Variants in RNF32 observed in about 807,000 individuals in gnomAD.
RNF32 encodes the protein ring finger protein 32.
RNF32 carries 36 observed loss-of-function variants against 41.0 expected under a neutral mutation model. The ratio of observed to expected loss-of-function variants is 0.88; its 90% confidence interval spans 0.67 to 1.16. RNF32 has a LOEUF of 1.16. Among genes scored for constraint, RNF32 ranks in the 50% most tolerant of loss-of-function variants. RNF32 has a pLI of 0.00. For synonymous variants in RNF32, 154 were observed against 160.9 expected, an observed-to-expected ratio of 0.96 and a Z score of 0.32; for missense variants, 413 against 436.7, an observed-to-expected ratio of 0.95 and a Z score of 0.48.
intron 7 of RNF32, among the ~76,000 whole-genome samples, chr7:156,666,710 G>A (rs1389366022): frequency 6.6e-6 from 1 of 152,190 alleles, no homozygotes; most frequent in Non-Finnish European, 1.5e-5. Context: ...AAGAGGCCTG[G>A]AAAGGTCACT....
rs1798588501 is a variant in RNF32, at chr7:156,650,620, G to T, written c.275-3956G>T. Among the ~76,000 whole-genome samples, 3 of 152,204 alleles carry T rather than the reference G, an allele frequency of 2.0e-5. No homozygotes were observed. In the South Asian group the frequency reaches 6.2e-4, roughly 31 times the overall value. On this transcript the variant is annotated intron_variant, in intron 3 of 8. Transcript: ENST00000317955. ...TATAAATATAAGGCCAGGTTTGCATGATGGGGAGATGTGGATGTTTGAAGT... is the reference window on the plus strand; with the variant it reads ...TATAAATATAAGGCCAGGTTTGCATTATGGGGAGATGTGGATGTTTGAAGT...
At chr7:156,671,279 A>G (rs1411470986) in intron 7 of RNF32, among the ~76,000 whole-genome samples, 1 of 152,202 alleles carries the variant, frequency 6.6e-6, no homozygotes, top group Non-Finnish European at 1.5e-5. Flanking sequence ...TCCAGCACCA[A>G]TCAGATTATG....
intron 3 of RNF32, among the ~76,000 whole-genome samples, chr7:156,648,366 G>C (rs1798259386): frequency 6.6e-6 from 1 of 152,148 alleles, no homozygotes; most frequent in African/African-American, 2.4e-5. Context: ...ATGTCTTCTA[G>C]AAAACAGCAT....
chr7:156,664,243 C>T (rs1370460324), intron 7 of RNF32, among the ~76,000 whole-genome samples: 3 of 152,344 alleles, frequency 2.0e-5, no homozygotes, highest in East Asian at 3.9e-4. Context: ...GGGGGCATCA[C>T]GTGAGGTCGG....
chr7:156,647,188 GTTTC>G (rs1798077027), intron 3 of RNF32, among the ~76,000 whole-genome samples: 1 of 151,636 alleles, frequency 6.6e-6, no homozygotes. Context: ...TTTTGTGTGT[GTTTC>G]TTCTTTTTTA....
chr7:156,648,707 T>C (rs192035704), intron 3 of RNF32, among the ~76,000 whole-genome samples: 1 of 152,370 alleles, frequency 6.6e-6, no homozygotes, highest in Admixed American at 6.5e-5. Flanking sequence ...CTTTTCTTGC[T>C]GATTTACTGG....
At position 156,644,583 on chromosome 7, in the gene RNF32, C is replaced by G. The variant is rs557627515; in HGVS notation, c.100C>G (p.Leu34Val). The G allele has an allele frequency of 5.0e-6, 8 of 1,612,612 alleles. No homozygotes were observed. In the African/African-American group the frequency reaches 1.1e-4, roughly 22 times the overall value. ...HILHDLQLRN[L>V]SVADHSKTQV... Reference sequence around the variant, plus strand: ...TTTACATGATCTTCAACTTCGAAATCTTTCAGTTGCAGATCATTCTAAGAC... The same window carrying G: ...TTTACATGATCTTCAACTTCGAAATGTTTCAGTTGCAGATCATTCTAAGAC... The change falls in exon 3 of 9, where the codon CTT (leucine) becomes GTT (valine). Residue 34 changes from leucine (L) to valine (V), a missense_variant. Transcript: ENST00000317955.
rs1166029352 is a variant in RNF32 at position 156,663,055 on chromosome 7, CGATCTCCT to C, written c.684+4492_684+4499del. ...TTCACCATGTTAGCCAGGATGGTCT[CGATCTCCT>C]GATCTCGTGATCCACCAGCCTCGGC... On this transcript the variant is annotated intron_variant, in intron 7 of 8. Transcript: ENST00000317955. Among the ~76,000 whole-genome samples, 5 of 152,020 alleles carry C rather than the reference CGATCTCCT, an allele frequency of 3.3e-5. 1 individual carries two copies. Among genetic ancestry groups the C allele is most frequent in the African/African-American group, 1.2e-4 (5 of 41,488 alleles).
chr7:156,659,666 C>T (rs1486197669), intron 7 of RNF32: 2 of 923,126 alleles, frequency 2.2e-6, no homozygotes, highest in Non-Finnish European at 1.3e-6. Flanking sequence ...TATAAGAACT[C>T]TTGAAGATAA....
rs1041020236 is a variant in RNF32, at chr7:156,669,318, T to A, written c.685-6378T>A. Reference sequence around the variant, plus strand: ...GAGAGACAAATAATAAAATATTTTGTTACAATTTTCAAGAATAAGTGCCAG... The same window carrying A: ...GAGAGACAAATAATAAAATATTTTGATACAATTTTCAAGAATAAGTGCCAG... On this transcript the variant is annotated intron_variant, in intron 7 of 8. Transcript: ENST00000317955. The surrounding 1 kb of genome is among the most constrained non-coding windows in gnomAD (Gnocchi z 4.2). 2 of 152,122 alleles carry A rather than the reference T, an allele frequency of 1.3e-5. No homozygotes were observed. Among genetic ancestry groups the A allele is most frequent in the Non-Finnish European group, 2.9e-5 (2 of 68,032 alleles). The allele number at this position is 152,122 out of a possible 1,614,324, so 9.4% of individuals were successfully genotyped here.
Position 156,675,834 on chromosome 7 carries a change from G to A in RNF32, c.823G>A (p.Glu275Lys). The A allele has an allele frequency of 1.2e-6, 2 of 1,614,084 alleles. No homozygotes were observed. The highest frequency in any genetic ancestry group is 1.7e-6 in the Non-Finnish European group (2 of 1,179,954). ...AGAAAAATGTGGCCATGAGATCACAGAAGAGGAATGGGAGAAAATCCAAGT... is the reference window on the plus strand; with the variant it reads ...AGAAAAATGTGGCCATGAGATCACAAAAGAGGAATGGGAGAAAATCCAAGT... ...LEEKCGHEIT[E>K]EEWEKIQVQA... Residue 275 changes from glutamate to lysine, a missense_variant, in exon 8 of 9, where the codon GAA (glutamate) becomes AAA (lysine). By Grantham distance (56) the Glu-to-Lys change is moderately conservative. Transcript: ENST00000317955.
intron 3 of RNF32, chr7:156,646,619 A>C: frequency 1.5e-6 from 1 of 657,680 alleles, no homozygotes; most frequent in Non-Finnish European, 2.2e-6. Flanking sequence ...TGTCCCTGAT[A>C]GGGGAGAACT....
Position 156,644,578 on chromosome 7 carries a change from GA to G in RNF32, c.98del (p.Asn33IlefsTer20), listed in dbSNP as rs1797751129. On this transcript the variant is annotated frameshift_variant, in exon 3 of 9. Transcript: ENST00000317955. LOFTEE classifies it high-confidence loss of function. ...QDHILHDLQLRNLSVADHSKT... is the reference protein window; with the variant it reads ...QDHILHDLQLXNLSVADHSKT... ...CACATTTTACATGATCTTCAACTTC[GA>G]AATCTTTCAGTTGCAGATCATTCTA... 4 of 1,612,312 alleles carry G rather than the reference GA, an allele frequency of 2.5e-6. No individual in the cohort carries two copies. Among genetic ancestry groups the G allele is most frequent in the African/African-American group, 1.3e-5 (1 of 74,822 alleles).
At chr7:156,654,476 G>A in intron 3 of RNF32, 100 bp from the exon 4 acceptor site, 5 of 980,170 alleles carry the variant, frequency 5.1e-6, no homozygotes, top group Admixed American at 2.4e-5. Context: ...TCTATATGTA[G>A]TTCTTTAATC....
intron 4 of RNF32, among the ~76,000 whole-genome samples, chr7:156,655,474 A>G (rs1230729140): frequency 6.6e-6 from 1 of 152,222 alleles, no homozygotes; most frequent in Non-Finnish European, 1.5e-5. Flanking sequence ...CGCTTCCTGC[A>G]TAGCAGGCCC....
At chr7:156,647,184 G>T (rs549682415) in intron 3 of RNF32, among the ~76,000 whole-genome samples, 2 of 151,504 alleles carry the variant, frequency 1.3e-5, no homozygotes, top group Non-Finnish European at 2.9e-5. Context: ...TGTTTTTTGT[G>T]TGTGTTTCTT....
chr7:156,643,832 A>G lies in RNF32; in HGVS notation c.-46A>G, dbSNP rs773179920. ...AATAGAAGGAAGGTGATAGGATGTG[A>G]TGATAGAATTTGTGATAGCCAAGCA... On this transcript the variant is annotated 5_prime_UTR_variant, in exon 2 of 9. It removes an upstream start codon present in the reference 5' UTR. Coordinates refer to ENST00000317955, the MANE Select transcript of RNF32 (RefSeq NM_030936.4). 7.7e-5 allele frequency: 121 copies of G among 1,575,828 alleles called. No homozygotes were observed. The highest frequency in any genetic ancestry group is 9.7e-5 in the Non-Finnish European group (111 of 1,145,570).
rs576219427 is a variant in RNF32, at chr7:156,670,328, G to A, written c.685-5368G>A. 3.9e-5 allele frequency among the ~76,000 whole-genome samples: 6 copies of A among 152,318 alleles called. No individual in the cohort carries two copies. The South Asian group carries it at 1.2e-3, about 32-fold the overall frequency. On this transcript the variant is annotated intron_variant, in intron 7 of 8. Transcript: ENST00000317955. The surrounding 1 kb of genome is among the most constrained non-coding windows in gnomAD (Gnocchi z 4.3). ...CAGGCCCTGCCTTCAGCTCACTGAG[G>A]AGTCAGGTCTGCAAGGGGGGCCCTG...
intron 7 of RNF32, among the ~76,000 whole-genome samples, chr7:156,672,228 C>G (rs1802697986): frequency 6.6e-6 from 1 of 152,202 alleles, no homozygotes; most frequent in Non-Finnish European, 1.5e-5. Flanking sequence ...CTGTTTCTTT[C>G]AACAAGTGCC....
Sources: gnomAD v4.1 joint callset for allele counts (sites outside exome capture counted in the v4.1 genomes callset) on GRCh38, gnomAD v4.1.1 for gene constraint, Gnocchi (gnomAD v3.1) non-coding constraint, MANE v1.5 for transcripts, NCBI Gene and HGNC (gene_info 2026-07-23, HGNC 2026-07-21) for gene names.